Variants in ARHGAP28 observed in about 807,000 individuals in gnomAD.
ARHGAP28 encodes rho GTPase-activating protein 28.
ARHGAP28 carries 56 observed loss-of-function variants against 90.7 expected under a neutral mutation model. That is an observed-to-expected ratio of 0.62 (90% confidence interval 0.50 to 0.77). The LOEUF (loss-of-function observed/expected upper bound fraction) is 0.77. ARHGAP28 is among the 30% of genes least tolerant of loss of function. The pLI is 0.00. For synonymous variants in ARHGAP28, 308 were observed against 323.3 expected, an observed-to-expected ratio of 0.95 and a Z score of 0.51; for missense variants, 869 against 900.9, an observed-to-expected ratio of 0.96 and a Z score of 0.45.
At position 6,889,341 on chromosome 18, in the gene ARHGAP28, G is replaced by A. The variant is rs950351578; in HGVS notation, c.1537-547G>A. On this transcript the variant is annotated intron_variant, in intron 12 of 17. Coordinates refer to ENST00000383472, the MANE Select transcript of ARHGAP28 (RefSeq NM_001366230.1). ...CAGCTGTCAATTTCAAAGTTGAAAAGCAATAGAAAAATAGCACCCAAAAAT... is the reference window on the plus strand; with the variant it reads ...CAGCTGTCAATTTCAAAGTTGAAAAACAATAGAAAAATAGCACCCAAAAAT... Among the ~76,000 whole-genome samples, 5 of 152,152 alleles carry A rather than the reference G, an allele frequency of 3.3e-5. No individual in the cohort carries two copies. The Middle Eastern group carries it at 0.01, about 311-fold the overall frequency.
chr18:6,755,475 G>A (rs1238993863), intron 1 of ARHGAP28, among the ~76,000 whole-genome samples: 3 of 152,164 alleles, frequency 2.0e-5, no homozygotes, highest in South Asian at 2.1e-4. Context: ...ACGGGGAAAA[G>A]CATTGTCAAG....
At chr18:6,843,811 A>G (rs1476131021) in intron 3 of ARHGAP28, among the ~76,000 whole-genome samples, 1 of 152,218 alleles carries the variant, frequency 6.6e-6, no homozygotes, top group Non-Finnish European at 1.5e-5. Context: ...AAGAATGACA[A>G]TTTCTATGGG....
chr18:6,741,090 C>G (rs1464025370), intron 1 of ARHGAP28, among the ~76,000 whole-genome samples: 2 of 152,148 alleles, frequency 1.3e-5, no homozygotes, highest in East Asian at 3.8e-4. Context: ...TTACAACCAC[C>G]CTTGCACATT....
intron 10 of ARHGAP28, among the ~76,000 whole-genome samples, chr18:6,877,984 G>A (rs1464290212): frequency 1.3e-5 from 2 of 151,974 alleles, no homozygotes; most frequent in Non-Finnish European, 2.9e-5. Flanking sequence ...GCATGTGTGT[G>A]TGTGTATGTA....
At chr18:6,766,279 G>A (rs1192278065) in intron 1 of ARHGAP28, among the ~76,000 whole-genome samples, 1 of 152,166 alleles carries the variant, frequency 6.6e-6, no homozygotes, top group Non-Finnish European at 1.5e-5. Flanking sequence ...GAAGCACTGT[G>A]TCTCAGGGCA....
chr18:6,789,131 T>C (rs978830556), intron 1 of ARHGAP28: 3 of 152,178 alleles, frequency 2.0e-5, no homozygotes, highest in Admixed American at 2.0e-4. Flanking sequence ...GTCTGTGTGT[T>C]GGTGATGAAT....
intron 1 of ARHGAP28, among the ~76,000 whole-genome samples, chr18:6,810,720 T>C (rs568637510): frequency 1.3e-5 from 2 of 152,100 alleles, no homozygotes; most frequent in South Asian, 4.2e-4. Flanking sequence ...GGAGAGGGTG[T>C]TATATAGAGT....
At chr18:6,892,813 A>G (rs1050341272) in intron 14 of ARHGAP28, among the ~76,000 whole-genome samples, 2 of 152,200 alleles carry the variant, frequency 1.3e-5, no homozygotes, top group African/African-American at 4.8e-5. Flanking sequence ...TGGAACTGAA[A>G]AACCTCCCAG....
At chr18:6,730,908 ATTAC>A (rs2055875543) in intron 1 of ARHGAP28, among the ~76,000 whole-genome samples, 2 of 152,124 alleles carry the variant, frequency 1.3e-5, no homozygotes, top group Admixed American at 1.3e-4. Context: ...TTGTGCGATA[ATTAC>A]TTCTGTTTCC....
At chr18:6,902,940 G>A (rs186162096) in intron 16 of ARHGAP28, among the ~76,000 whole-genome samples, 1 of 152,232 alleles carries the variant, frequency 6.6e-6, no homozygotes, top group Admixed American at 6.5e-5. Flanking sequence ...GAACGGATAA[G>A]CAAAATATGG....
chr18:6,885,174 G>C (rs1233407609), intron 11 of ARHGAP28, among the ~76,000 whole-genome samples: 2 of 152,228 alleles, frequency 1.3e-5, no homozygotes, highest in Middle Eastern at 3.4e-3. Context: ...ATCCTGAAAG[G>C]GTTCACAAAG....
intron 1 of ARHGAP28, 49 bp downstream of exon 1, chr18:6,729,992 G>C (rs2055862361): frequency 7.7e-7 from 1 of 1,299,886 alleles, no homozygotes; most frequent in South Asian, 2.2e-5. Context: ...CTGGGCTTGG[G>C]GGGTTCGCCG....
chr18:6,873,712 A>G lies in ARHGAP28; in HGVS notation c.1149A>G (p.Thr383=). 2 of 1,614,012 alleles carry G rather than the reference A, an allele frequency of 1.2e-6. No individual in the cohort carries two copies. The highest frequency in any genetic ancestry group is 1.7e-6 in the Non-Finnish European group (2 of 1,180,006). The change falls in exon 9 of 18, where the codon ACA becomes ACG. Residue 383 remains threonine (T), a synonymous_variant. Transcript: ENST00000383472. The stretch of plus-strand genomic sequence containing the variant: ...ATGGGATTTTTGGAGTTCCACTTAC[A>G]GTCCTCCTGGACGGTGACCGAAAGA... ...RDNGIFGVPL[T]VLLDGDRKKD... is the part of the protein sequence containing the mutation.
chr18:6,756,493 T>G (rs957833250), intron 1 of ARHGAP28, among the ~76,000 whole-genome samples: 38 of 152,220 alleles, frequency 2.5e-4, no homozygotes, highest in African/African-American at 8.9e-4. Context: ...AATATACAAA[T>G]TATTGATCAT....
chr18:6,794,086 C>T (rs2056424955), intron 1 of ARHGAP28, among the ~76,000 whole-genome samples: 1 of 152,096 alleles, frequency 6.6e-6, no homozygotes, highest in South Asian at 2.1e-4. Flanking sequence ...CAGTTCTAGG[C>T]TTAAGGTGTT....
intron 5 of ARHGAP28, among the ~76,000 whole-genome samples, chr18:6,867,939 A>C (rs1043633603): frequency 7.2e-5 from 11 of 152,230 alleles, no homozygotes; most frequent in African/African-American, 2.7e-4. Flanking sequence ...TGGACCTTAC[A>C]TTGTTCCCTT....
chr18:6,847,248 A>T (rs1173369463), intron 3 of ARHGAP28, among the ~76,000 whole-genome samples: 1 of 152,052 alleles, frequency 6.6e-6, no homozygotes, highest in Admixed American at 6.5e-5. Flanking sequence ...ATGGAGCCCT[A>T]ATTTCAATCT....
At chr18:6,806,947 G>A (rs2056523239) in intron 1 of ARHGAP28, among the ~76,000 whole-genome samples, 2 of 152,064 alleles carry the variant, frequency 1.3e-5, no homozygotes, top group Non-Finnish European at 2.9e-5. Flanking sequence ...TATTGTTTCT[G>A]ACAAAAACAT....
rs1418570783 is a variant in ARHGAP28, at chr18:6,907,797, A to G, written c.2031-1163A>G. ...CACTAGAGTTTTGTGAGATGTTACTATTGAGAGAAATCGGTGTAGGGTGCA... is the reference window on the plus strand; with the variant it reads ...CACTAGAGTTTTGTGAGATGTTACTGTTGAGAGAAATCGGTGTAGGGTGCA... On this transcript the variant is annotated intron_variant, in intron 16 of 17. Coordinates refer to ENST00000383472, the MANE Select transcript of ARHGAP28 (RefSeq NM_001366230.1). Among the ~76,000 whole-genome samples the G allele has an allele frequency of 4.6e-5, 7 of 152,282 alleles. No homozygotes were observed. In the East Asian group the frequency reaches 1.4e-3, roughly 29 times the overall value.
Sources: gnomAD v4.1 joint callset for allele counts (sites outside exome capture counted in the v4.1 genomes callset) on GRCh38, gnomAD v4.1.1 for gene constraint, MANE v1.5 for transcripts, NCBI Gene and HGNC (gene_info 2026-07-23, HGNC 2026-07-21) for gene names.